CUL5: variants seen among roughly 807,000 people sequenced by gnomAD.
CUL5 encodes cullin 5.
Under a neutral mutation model 108.8 loss-of-function variants are expected in CUL5, and 26 were observed. The ratio of observed to expected loss-of-function variants is 0.24; its 90% confidence interval spans 0.18 to 0.33. The LOEUF (loss-of-function observed/expected upper bound fraction) is 0.33, where lower values mean the gene tolerates loss of function less well. CUL5 is among the 10% of genes least tolerant of loss of function. The pLI is 1.00. For synonymous variants in CUL5, 334 were observed against 298.0 expected, an observed-to-expected ratio of 1.12 and a Z score of -1.25; for missense variants, 524 against 909.2, an observed-to-expected ratio of 0.58 and a Z score of 5.45.
At chr11:108,079,679 C>A (rs1864025246) in intron 11 of CUL5, among the ~76,000 whole-genome samples, 1 of 151,970 alleles carries the variant, frequency 6.6e-6, no homozygotes, top group South Asian at 2.1e-4. Flanking sequence ...ATGCCTATAC[C>A]CCTATTAACA....
chr11:108,070,030 G>C, intron 7 of CUL5, 66 bp from the exon 8 acceptor site: 1 of 949,322 alleles, frequency 1.1e-6, no homozygotes, highest in Non-Finnish European at 1.6e-6. Context: ...GTTTTATTTT[G>C]TGAGTTAGAA....
At position 108,026,719 on chromosome 11, in the gene CUL5, A is replaced by G. The variant is rs1262497105; in HGVS notation, c.25-7083A>G. Among the ~76,000 whole-genome samples, 6 of 152,260 alleles carry G rather than the reference A, an allele frequency of 3.9e-5. No homozygotes were observed. The East Asian group carries it at 9.7e-4, about 25-fold the overall frequency. On this transcript the variant is annotated intron_variant, in intron 1 of 18. Coordinates refer to ENST00000393094, the MANE Select transcript of CUL5 (RefSeq NM_003478.6). The stretch of plus-strand genomic sequence containing the variant: ...TTTAAAAAATTATTTGGCCAGGCGC[A>G]GTGGCTCACGTTTGTAATCCCAGCA...
At chr11:108,035,700 A>G (rs1862721851) in intron 2 of CUL5, among the ~76,000 whole-genome samples, 1 of 152,008 alleles carries the variant, frequency 6.6e-6, no homozygotes, top group East Asian at 1.9e-4. Context: ...GGCTGCAGCA[A>G]GCCGTGACTG....
At chr11:108,099,252 C>G (rs2037312) in intron 18 of CUL5, among the ~76,000 whole-genome samples, 152,160 of 152,304 alleles carry the variant, frequency 1, 76,008 homozygotes, top group Non-Finnish European at 1. Flanking sequence ...CAATATGCCT[C>G]CCTCGGCCTC....
intron 2 of CUL5, among the ~76,000 whole-genome samples, chr11:108,044,813 G>A (rs893536611): frequency 6.6e-6 from 1 of 151,720 alleles, no homozygotes; most frequent in African/African-American, 2.4e-5. Flanking sequence ...CCAGGCTGGA[G>A]TTCATTGGTG....
At chr11:108,009,609 T>C (rs1233618865) in intron 1 of CUL5, among the ~76,000 whole-genome samples, 3 of 151,640 alleles carry the variant, frequency 2.0e-5, no homozygotes, top group Admixed American at 1.3e-4. Flanking sequence ...GGCTGAGCGC[T>C]GGCGAGGAGC....
Position 108,008,932 on chromosome 11 carries a change from G to A in CUL5, c.-417G>A. On this transcript the variant is annotated 5_prime_UTR_variant, in exon 1 of 19. Coordinates refer to ENST00000393094, the MANE Select transcript of CUL5 (RefSeq NM_003478.6). ...CGCCCTCGCGTCACGTGACGTGGCC[G>A]CGGAACCTGAGCTGCGGGGCCTAAG... is the stretch of plus-strand genomic sequence containing the variant. 2 of 170,644 alleles carry A rather than the reference G, an allele frequency of 1.2e-5. No homozygotes were observed. Among genetic ancestry groups the A allele is most frequent in the East Asian group, 1.7e-4 (1 of 6,000 alleles). 10.6% of individuals were successfully genotyped at this position (170,644 alleles called of 1,614,324 possible).
chr11:108,043,492 T>G (rs1374503807), intron 2 of CUL5, among the ~76,000 whole-genome samples: 1 of 152,196 alleles, frequency 6.6e-6, no homozygotes, highest in Non-Finnish European at 1.5e-5. Context: ...CATTAGAGGA[T>G]TTAAGTATGG....
intron 2 of CUL5, among the ~76,000 whole-genome samples, chr11:108,045,649 A>T (rs1370035316): frequency 1.3e-5 from 2 of 152,092 alleles, no homozygotes; most frequent in Admixed American, 6.6e-5. Context: ...ATCCCTTGAA[A>T]CAAGGAGTTC....
chr11:108,100,537 C>T (rs1055316619), intron 18 of CUL5, among the ~76,000 whole-genome samples: 3 of 151,686 alleles, frequency 2.0e-5, no homozygotes, highest in African/African-American at 7.3e-5. Flanking sequence ...GAGTGAGACT[C>T]CATCTCAAAA....
Position 108,107,709 on chromosome 11 carries a change from ATTT to A in CUL5, c.*3329_*3331del, listed in dbSNP as rs1864833999. 6.6e-6 allele frequency: 1 copy of A among 152,658 alleles called. No individual in the cohort carries two copies. The highest frequency in any genetic ancestry group is 2.4e-5 in the African/African-American group (1 of 41,548). 9.5% of individuals were successfully genotyped at this position (152,658 alleles called of 1,614,324 possible). On this transcript the variant is annotated 3_prime_UTR_variant, in exon 19 of 19. Coordinates refer to ENST00000393094, the MANE Select transcript of CUL5 (RefSeq NM_003478.6). ...ATGAACTGCTTAATTTTTGGATTTTATTTTTTAAGTTGTATAATTTATTTTCTT... is the reference window on the plus strand; with the variant it reads ...ATGAACTGCTTAATTTTTGGATTTTATTTAAGTTGTATAATTTATTTTCTT...
At chr11:108,060,074 G>A (rs1229195760) in intron 7 of CUL5, among the ~76,000 whole-genome samples, 1 of 151,974 alleles carries the variant, frequency 6.6e-6, no homozygotes, top group African/African-American at 2.4e-5. Context: ...GATTTAAAAA[G>A]CTGAATAAGC....
chr11:108,029,292 G>A (rs1555012882), intron 1 of CUL5, among the ~76,000 whole-genome samples: 1 of 152,192 alleles, frequency 6.6e-6, no homozygotes, highest in African/African-American at 2.4e-5. Flanking sequence ...TGCCTGTGAA[G>A]GGATTAGTTG....
chr11:108,081,576 C>A (rs1259461003), intron 11 of CUL5, among the ~76,000 whole-genome samples: 1 of 151,984 alleles, frequency 6.6e-6, no homozygotes, highest in Non-Finnish European at 1.5e-5. Context: ...CATGGTGAAA[C>A]CCTGTCTCTA....
chr11:108,044,329 A>T (rs1863011009), intron 2 of CUL5, among the ~76,000 whole-genome samples: 1 of 151,972 alleles, frequency 6.6e-6, no homozygotes, highest in Non-Finnish European at 1.5e-5. Context: ...CAGTCCAGAC[A>T]ACATAGGGAG....
chr11:108,024,752 C>G (rs1862416274), intron 1 of CUL5, among the ~76,000 whole-genome samples: 3 of 151,894 alleles, frequency 2.0e-5, no homozygotes, highest in Admixed American at 1.3e-4. Context: ...CTTTATAATC[C>G]CCAATTAGTG....
intron 2 of CUL5, among the ~76,000 whole-genome samples, chr11:108,035,243 T>G (rs1056226765): frequency 5.9e-5 from 9 of 152,216 alleles, no homozygotes; most frequent in African/African-American, 1.9e-4. Flanking sequence ...ACTACAGCTT[T>G]TGGTAGGAAC....
rs1217435788 is a variant in CUL5, at chr11:108,009,267, G to A, written c.-82G>A. ...GGGCCGACGGGCCCTGGGCCCTGGT[G>A]GGAGCTCCGGCCTCCGGTCAAGGCC... On this transcript the variant is annotated 5_prime_UTR_variant, in exon 1 of 19. Transcript: ENST00000393094. 1.3e-6 allele frequency: 2 copies of A among 1,519,504 alleles called. No homozygotes were observed. The highest frequency in any genetic ancestry group is 1.4e-5 in the African/African-American group (1 of 73,154). The allele number at this position is 1,519,504 out of a possible 1,614,324, so 94.1% of individuals were successfully genotyped here. A position where few individuals can be genotyped will look rare whatever the true frequency, so the allele number is the denominator to read the frequency against.
intron 11 of CUL5, among the ~76,000 whole-genome samples, chr11:108,081,242 C>T (rs543297556): frequency 4.6e-5 from 7 of 151,738 alleles, no homozygotes; most frequent in East Asian, 3.9e-4. Flanking sequence ...GAGCCGAGAT[C>T]GTGCCATTAC....
Sources: gnomAD v4.1 joint callset for allele counts (sites outside exome capture counted in the v4.1 genomes callset) on GRCh38, gnomAD v4.1.1 for gene constraint, MANE v1.5 for transcripts, NCBI Gene and HGNC (gene_info 2026-07-23, HGNC 2026-07-21) for gene names.